Variants in XKR6 observed in about 807,000 individuals in gnomAD.
XKR6 encodes the protein XK-related protein 6.
Under a neutral mutation model 56.7 loss-of-function variants are expected in XKR6, and 22 were observed. The ratio of observed to expected loss-of-function variants is 0.39; its 90% CI spans 0.28 to 0.55. The LOEUF (loss-of-function observed/expected upper bound fraction) is 0.55, where lower values mean the gene tolerates loss of function less well. Ranked by LOEUF, XKR6 falls within the 20% of genes least tolerant of loss-of-function variation. The pLI is 0.66. For missense variants in XKR6, 852 were observed against 889.0 expected (o/e 0.96, Z 0.53); for synonymous variants, 524 against 387.8 (o/e 1.35, Z -4.13).
chr8:11,064,755 C>T (rs920005199), intron 1 of XKR6, among the ~76,000 whole-genome samples: 6 of 152,118 alleles, frequency 3.9e-5, no homozygotes, highest in South Asian at 2.1e-4. Flanking sequence ...TAACTTGTAA[C>T]GTGAAAGAAT....
intron 2 of XKR6, among the ~76,000 whole-genome samples, chr8:10,914,089 A>G (rs929887218): frequency 1.3e-5 from 2 of 152,162 alleles, no homozygotes; most frequent in Middle Eastern, 3.2e-3. Flanking sequence ...TGACCAACCT[A>G]ACACCTCAGA....
At chr8:10,928,773 G>T (rs868681196) in intron 1 of XKR6, among the ~76,000 whole-genome samples, 5 of 152,176 alleles carry the variant, frequency 3.3e-5, no homozygotes, top group Non-Finnish European at 5.9e-5. Flanking sequence ...ATTCCTCCAA[G>T]CCCCCTCCTT....
intron 1 of XKR6, among the ~76,000 whole-genome samples, chr8:10,955,740 G>C (rs2129128477): frequency 6.6e-6 from 1 of 152,314 alleles, no homozygotes; most frequent in African/African-American, 2.4e-5. Context: ...GCTAGCCTGA[G>C]TCTCCCCTTT....
At chr8:11,167,034 A>T (rs1311982479) in intron 1 of XKR6, among the ~76,000 whole-genome samples, 1 of 152,170 alleles carries the variant, frequency 6.6e-6, no homozygotes, top group Non-Finnish European at 1.5e-5. Context: ...CGGTGGTAGA[A>T]GGAAAGGCTT....
chr8:11,036,273 G>A (rs1012573580), intron 1 of XKR6, among the ~76,000 whole-genome samples: 5 of 152,174 alleles, frequency 3.3e-5, no homozygotes, highest in African/African-American at 1.2e-4. Flanking sequence ...ACCAGGCAGA[G>A]AGAGAAGCAC....
chr8:11,165,530 C>T (rs1004313012), intron 1 of XKR6, among the ~76,000 whole-genome samples: 1 of 152,164 alleles, frequency 6.6e-6, no homozygotes, highest in Non-Finnish European at 1.5e-5. Context: ...AAGAAGATGG[C>T]ATGCTCTCTT....
At chr8:11,168,099 G>C (rs1025686632) in intron 1 of XKR6, among the ~76,000 whole-genome samples, 3 of 152,062 alleles carry the variant, frequency 2.0e-5, no homozygotes, top group African/African-American at 7.2e-5. Flanking sequence ...CTGATTTCCA[G>C]AGACACAACA....
chr8:11,102,473 A>C (rs999777384), intron 1 of XKR6, among the ~76,000 whole-genome samples: 5 of 152,174 alleles, frequency 3.3e-5, no homozygotes, highest in Non-Finnish European at 7.3e-5. Flanking sequence ...CTCTGAGAAG[A>C]CAATTTTGCT....
At chr8:10,914,665 C>T (rs1180189249) in intron 2 of XKR6, among the ~76,000 whole-genome samples, 1 of 152,180 alleles carries the variant, frequency 6.6e-6, no homozygotes, top group East Asian at 1.9e-4. Flanking sequence ...GAGCAGTCTC[C>T]CTTGCAGCAT....
intron 1 of XKR6, among the ~76,000 whole-genome samples, chr8:11,051,479 G>T (rs1429361655): frequency 6.6e-6 from 1 of 152,108 alleles, no homozygotes; most frequent in Non-Finnish European, 1.5e-5. Flanking sequence ...TTCCCCTCCA[G>T]GCCTGTTCTT....
At chr8:11,119,252 G>C (rs1799330173) in intron 1 of XKR6, among the ~76,000 whole-genome samples, 2 of 152,174 alleles carry the variant, frequency 1.3e-5, no homozygotes, top group African/African-American at 4.8e-5. Flanking sequence ...TTTGGAATAG[G>C]TGTGGTGTCG....
chr8:11,073,501 C>G (rs1292516031), intron 1 of XKR6, among the ~76,000 whole-genome samples: 2 of 152,202 alleles, frequency 1.3e-5, no homozygotes, highest in Non-Finnish European at 2.9e-5. Flanking sequence ...AACCTGGACA[C>G]TCTGGTAATA....
chr8:10,944,147 T>C (rs943477625), intron 1 of XKR6, among the ~76,000 whole-genome samples: 6 of 152,160 alleles, frequency 3.9e-5, no homozygotes, highest in African/African-American at 1.4e-4. Context: ...CAGAGTGCAC[T>C]AAACTGAGTT....
At chr8:11,040,942 A>G (rs189038066) in intron 1 of XKR6, among the ~76,000 whole-genome samples, 1 of 152,316 alleles carries the variant, frequency 6.6e-6, no homozygotes, top group East Asian at 1.9e-4. Flanking sequence ...AGAAGCAGGT[A>G]TCTACGTACA....
intron 1 of XKR6, among the ~76,000 whole-genome samples, chr8:11,038,155 C>A (rs768393512): frequency 6.6e-6 from 1 of 152,032 alleles, no homozygotes; most frequent in Non-Finnish European, 1.5e-5. Context: ...TGCAAGTTTA[C>A]TAGCAAGTGA....
At chr8:10,960,173 G>C (rs1177781370) in intron 1 of XKR6, among the ~76,000 whole-genome samples, 1 of 152,228 alleles carries the variant, frequency 6.6e-6, no homozygotes, top group Non-Finnish European at 1.5e-5. Flanking sequence ...CAGCAGGTGA[G>C]TGCAGGTATA....
chr8:11,140,188 C>A (rs1479832969), intron 1 of XKR6, among the ~76,000 whole-genome samples: 2 of 150,684 alleles, frequency 1.3e-5, no homozygotes, highest in African/African-American at 4.9e-5. Context: ...TAAAGACAGG[C>A]AAAGAATACC....
intron 1 of XKR6, among the ~76,000 whole-genome samples, chr8:11,002,785 G>A (rs911102979): frequency 6.6e-6 from 1 of 152,216 alleles, no homozygotes; most frequent in African/African-American, 2.4e-5. Flanking sequence ...ACTGCAGAAA[G>A]GAGATAGAAG....
intron 1 of XKR6, among the ~76,000 whole-genome samples, chr8:11,016,994 G>A (rs964627266): frequency 2.6e-5 from 4 of 152,232 alleles, no homozygotes; most frequent in Admixed American, 6.5e-5. Context: ...TAGATAGACT[G>A]ATAAGATGAA....
Sources: gnomAD v4.1 joint callset for allele counts (sites outside exome capture counted in the v4.1 genomes callset) on GRCh38, gnomAD v4.1.1 for gene constraint, MANE v1.5 for transcripts, NCBI Gene and HGNC (gene_info 2026-07-23, HGNC 2026-07-21) for gene names.